The following ATAD2B variants were observed in gnomAD, a reference collection of about 807,000 sequenced individuals.
ATAD2B encodes ATPase family AAA domain-containing protein 2B.
Under a neutral mutation model 167.6 loss-of-function variants are expected in ATAD2B, and 40 were observed. The observed-to-expected ratio is 0.24, with a 90% CI of 0.19 to 0.31. The LOEUF (loss-of-function observed/expected upper bound fraction) is 0.31. ATAD2B is among the 10% of genes least tolerant of loss of function. The pLI is 1.00. For synonymous variants in ATAD2B, 579 were observed against 596.5 expected (o/e 0.97, Z 0.43); for missense variants, 1,242 against 1,757.2 (o/e 0.71, Z 5.24).
intron 14 of ATAD2B, 76 bp downstream of exon 14, chr2:23,833,843 A>G: frequency 8.8e-7 from 1 of 1,140,644 alleles, no homozygotes; most frequent in Non-Finnish European, 1.2e-6. Context: ...AAATTCATAA[A>G]ATATCACCCT....
At chr2:23,806,787 G>A (rs1334502638) in intron 18 of ATAD2B, among the ~76,000 whole-genome samples, 2 of 152,122 alleles carry the variant, frequency 1.3e-5, no homozygotes, top group Non-Finnish European at 2.9e-5. Flanking sequence ...AAGCCTATTT[G>A]ATAACCTCAT....
chr2:23,785,964 A>G, intron 21 of ATAD2B, 63 bp downstream of exon 21: 1 of 1,386,264 alleles, frequency 7.2e-7, no homozygotes, highest in East Asian at 2.4e-5. Flanking sequence ...CCAAAAAAAG[A>G]TGTCAATATT....
At chr2:23,801,480 T>C (rs1011395950) in intron 18 of ATAD2B, among the ~76,000 whole-genome samples, 4 of 151,126 alleles carry the variant, frequency 2.6e-5, no homozygotes, top group Non-Finnish European at 2.9e-5. Flanking sequence ...GTGCAAGGTG[T>C]AGTAGAAAAC....
At chr2:23,707,084 A>C in the ATAD2B span, 1 of 154,800 alleles carries the variant, frequency 6.5e-6, no homozygotes, top group Non-Finnish European at 1.4e-5. Flanking sequence ...AAGTGTCCTT[A>C]TCACTTTGAT....
intron 1 of ATAD2B, among the ~76,000 whole-genome samples, chr2:23,911,791 A>G (rs1239742765): frequency 1.3e-5 from 2 of 152,040 alleles, no homozygotes; most frequent in Non-Finnish European, 2.9e-5. Context: ...CCTGGCCAAC[A>G]TGGTGAAACC....
At chr2:23,869,983 G>A (rs1394550182) in intron 8 of ATAD2B, among the ~76,000 whole-genome samples, 1 of 152,038 alleles carries the variant, frequency 6.6e-6, no homozygotes, top group African/African-American at 2.4e-5. Flanking sequence ...GTCAAGGTGG[G>A]TGGATCATGA....
intron 7 of ATAD2B, among the ~76,000 whole-genome samples, chr2:23,877,975 G>A (rs759135492): frequency 6.1e-5 from 7 of 115,016 alleles, no homozygotes; most frequent in African/African-American, 1.0e-4. Context: ...AGCCATGTTC[G>A]CACCAATGCA....
At chr2:23,848,259 TTG>T (rs1348087044) in intron 13 of ATAD2B, among the ~76,000 whole-genome samples, 2 of 152,032 alleles carry the variant, frequency 1.3e-5, no homozygotes, top group Non-Finnish European at 2.9e-5. Context: ...TCCCCACACT[TTG>T]GTAGGCCAAG....
At chr2:23,816,441 T>C (rs141049678) in intron 17 of ATAD2B, among the ~76,000 whole-genome samples, 64 of 152,312 alleles carry the variant, frequency 4.2e-4, no homozygotes, top group African/African-American at 1.5e-3. Flanking sequence ...AAGTGTAAGA[T>C]AATATGCAGC....
chr2:23,792,002 G>C (rs1681811193), intron 19 of ATAD2B, among the ~76,000 whole-genome samples: 1 of 151,752 alleles, frequency 6.6e-6, no homozygotes, highest in African/African-American at 2.4e-5. Context: ...AATGCAAAAA[G>C]GTTCTCCTTT....
At chr2:23,703,142 C>T in the ATAD2B span, 1 of 1,354,380 alleles carries the variant, frequency 7.4e-7, no homozygotes, top group Non-Finnish European at 9.7e-7. Context: ...CTGCCCCGCA[C>T]AAGGTCCATC....
the ATAD2B span, chr2:23,706,856 C>A: frequency 1.9e-6 from 1 of 513,104 alleles, no homozygotes; most frequent in Non-Finnish European, 3.3e-6. Context: ...ACGGAGGCAC[C>A]GCGCTTGGAG....
At chr2:23,854,934 C>A (rs922451614) in intron 13 of ATAD2B, among the ~76,000 whole-genome samples, 22 of 152,168 alleles carry the variant, frequency 1.4e-4, no homozygotes, top group African/African-American at 4.8e-4. Context: ...TTGTCTCATG[C>A]CTGTAATCCC....
At chr2:23,697,649 G>A in the ATAD2B span, 1 of 152,200 alleles carries the variant, frequency 6.6e-6, no homozygotes, top group Non-Finnish European at 1.5e-5. Context: ...AATGCTCATT[G>A]TGGGCTTTTA....
At chr2:23,828,235 A>G (rs1361140012) in intron 15 of ATAD2B, among the ~76,000 whole-genome samples, 2 of 152,154 alleles carry the variant, frequency 1.3e-5, no homozygotes, top group Non-Finnish European at 2.9e-5. Flanking sequence ...TCCATCTCCT[A>G]TGTGTGATCA....
At chr2:23,899,864 C>T (rs1156867057) in intron 1 of ATAD2B, among the ~76,000 whole-genome samples, 2 of 150,172 alleles carry the variant, frequency 1.3e-5, no homozygotes, top group African/African-American at 2.4e-5. Flanking sequence ...ACTGGGATTA[C>T]AAGTGTGAGC....
the ATAD2B span, among the ~76,000 whole-genome samples, chr2:23,737,858 C>T: frequency 6.6e-6 from 1 of 152,092 alleles, no homozygotes; most frequent in Non-Finnish European, 1.5e-5. Flanking sequence ...CCTTAAAGGA[C>T]CTGATGGAGC....
chr2:23,832,302 T>C (rs565016483), intron 14 of ATAD2B: 3 of 459,848 alleles, frequency 6.5e-6, no homozygotes, highest in South Asian at 1.6e-5. Context: ...ACAGCCAGCA[T>C]AGGCCTTTCC....
At chr2:23,691,927 G>T in the ATAD2B span, 1 of 1,509,338 alleles carries the variant, frequency 6.6e-7, no homozygotes. Flanking sequence ...GCAGATGGGC[G>T]GAGAACTCCA....
Sources: allele counts gnomAD v4.1 joint callset (sites outside exome capture counted in the v4.1 genomes callset), GRCh38; gene constraint gnomAD v4.1.1; transcripts MANE v1.5; gene names NCBI Gene and HGNC (gene_info 2026-07-23, HGNC 2026-07-21).